The following ENKUR variants were observed in gnomAD, a reference collection of about 807,000 sequenced individuals.
ENKUR encodes enkurin.
A neutral mutation model predicts 27.6 loss-of-function variants in ENKUR; 19 were observed. That is an observed-to-expected ratio of 0.69 (90% CI 0.48 to 1.01). The LOEUF is 1.01. Ranked by LOEUF, ENKUR falls within the 50% of genes least tolerant of loss-of-function variation. The pLI is 0.00. For synonymous variants in ENKUR, 117 were observed against 96.9 expected (o/e 1.21, Z -1.22); for missense variants, 312 against 310.5 (o/e 1.00, Z -0.04).
intron 2 of ENKUR, among the ~76,000 whole-genome samples, chr10:25,053,731 G>A (rs949788825): frequency 5.3e-5 from 8 of 152,080 alleles, no homozygotes; most frequent in South Asian, 2.1e-4. Flanking sequence ...GAAATATTTC[G>A]AATGCTGTAA....
At chr10:25,020,291 A>G (rs1850694053), upstream of ENKUR, among the ~76,000 whole-genome samples, 1 of 104,894 alleles carries the variant, frequency 9.5e-6, no homozygotes, top group Admixed American at 1.0e-4. Flanking sequence ...TATCTACCCC[A>G]AAGTCTTGAA....
rs771237983 is a variant in ENKUR at position 24,984,379 on chromosome 10, G to T, written c.765-3C>A. On this transcript the variant is annotated splice_polypyrimidine_tract_variant and splice_region_variant and intron_variant, in intron 5 of 5. Coordinates refer to ENST00000331161, the MANE Select transcript of ENKUR (RefSeq NM_145010.4). The stretch of plus-strand genomic sequence containing the variant: ...AGTTGTGCTGTTGGTATCATGCGCT[G>T]CAGAAAAAAAAAAAAAAAAGTGAAG... The T allele has an allele frequency of 7.0e-7, 1 of 1,423,582 alleles. No homozygotes were observed. The highest frequency in any genetic ancestry group is 1.8e-5 in the African/African-American group (1 of 55,560). 88.2% of individuals were successfully genotyped at this position (1,423,582 alleles called of 1,614,324 possible). A position where few individuals can be genotyped will look rare whatever the true frequency, so the allele number is the denominator to read the frequency against.
Position 25,061,195 on chromosome 10 carries a change from C to T in ENKUR, c.-47G>A, listed in dbSNP as rs181297004. On this transcript the variant is annotated 5_prime_UTR_variant, in exon 2 of 6. Coordinates refer to the ENKUR transcript ENST00000615958. Reference sequence around the variant, plus strand: ...ATAAGAAGTTCATAGGTGTTGGACACGTGTGGCCAGGCCCTGGGCTTTGAA... The same window carrying T: ...ATAAGAAGTTCATAGGTGTTGGACATGTGTGGCCAGGCCCTGGGCTTTGAA... 5,391 of 1,527,164 alleles carry T rather than the reference C, an allele frequency of 3.5e-3. 16 individuals are homozygous for T. Among genetic ancestry groups the T allele is most frequent in the Middle Eastern group, 7.1e-3 (42 of 5,900 alleles). The allele number at this position is 1,527,164 out of a possible 1,614,324, so 94.6% of individuals were successfully genotyped here.
chr10:24,997,304 C>T (rs904896432), intron 2 of ENKUR, among the ~76,000 whole-genome samples: 1 of 151,996 alleles, frequency 6.6e-6, no homozygotes, highest in African/African-American at 2.4e-5. Flanking sequence ...TGTTGGACTC[C>T]TAGTTCTCCA....
rs757205542 is a variant in ENKUR at position 24,984,799 on chromosome 10, A to G, written c.701T>C (p.Met234Thr). 20 of 1,613,554 alleles carry G rather than the reference A, an allele frequency of 1.2e-5. No homozygotes were observed. The highest frequency in any genetic ancestry group is 1.7e-5 in the Non-Finnish European group (20 of 1,179,886). Reference sequence around the variant, plus strand: ...GCCAATGTCGTGTTCTAGTTGTTTCATTTCTTCTTCCAGCCTCTGCTTGCG... The same window carrying G: ...GCCAATGTCGTGTTCTAGTTGTTTCGTTTCTTCTTCCAGCCTCTGCTTGCG... ...KIRKQRLEEE[M>T]KQLEHDIGII... Residue 234 changes from methionine to threonine, a missense_variant, in exon 5 of 6, where the codon ATG becomes ACG. Met to Thr is a moderately conservative substitution (Grantham distance 81, BLOSUM62 -1). Transcript: ENST00000331161.
chr10:24,995,862 G>GT lies in ENKUR; in HGVS notation c.230dup (p.Asn77LysfsTer3), dbSNP rs749430462. 19 of 1,600,806 alleles carry GT rather than the reference G, an allele frequency of 1.2e-5. No individual in the cohort carries two copies. The highest frequency in any genetic ancestry group is 1.4e-5 in the Non-Finnish European group (17 of 1,176,158). Reference sequence around the variant, plus strand: ...GCTTTTTGGGCACGTTCCGATCAAAGTTTTTTTCTGTTAAATATAACATTT... The same window carrying GT: ...GCTTTTTGGGCACGTTCCGATCAAAGTTTTTTTTCTGTTAAATATAACATTT... On this transcript the variant is annotated frameshift_variant, in exon 3 of 6. Transcript: ENST00000331161. LOFTEE classifies it high-confidence loss of function.
At chr10:25,051,538 C>T (rs1002578549) in intron 2 of ENKUR, among the ~76,000 whole-genome samples, 3 of 152,132 alleles carry the variant, frequency 2.0e-5, no homozygotes, top group African/African-American at 7.2e-5. Context: ...ACTGTGAAGG[C>T]AGGAGCAAGG....
intron 1 of ENKUR, among the ~76,000 whole-genome samples, chr10:25,003,949 T>C (rs1850253527): frequency 6.6e-6 from 1 of 152,238 alleles, no homozygotes; most frequent in South Asian, 2.1e-4. Flanking sequence ...GTTCCTGTGT[T>C]AGTTTGCTAA....
chr10:25,028,148 A>G (rs1478907618), intron 2 of ENKUR, among the ~76,000 whole-genome samples: 1 of 152,210 alleles, frequency 6.6e-6, no homozygotes. Context: ...GAGGCAGGAG[A>G]AACAGGGAAG....
intron 2 of ENKUR, among the ~76,000 whole-genome samples, chr10:25,052,193 A>G (rs954639410): frequency 3.3e-5 from 5 of 152,152 alleles, no homozygotes; most frequent in African/African-American, 9.7e-5. Flanking sequence ...TAAGTGAGAA[A>G]TGATTACCTT....
chr10:24,995,682 C>A lies in ENKUR; in HGVS notation c.411G>T (p.Glu137Asp). 6.2e-7 allele frequency: 1 copy of A among 1,613,974 alleles called. No individual in the cohort carries two copies. Among genetic ancestry groups the A allele is most frequent in the Non-Finnish European group, 8.5e-7 (1 of 1,179,982 alleles). Residue 137 changes from glutamate (E) to aspartate (D), a missense_variant, in exon 3 of 6, where the codon GAG becomes GAT. Transcript: ENST00000331161. ...TGTACTTTGGAACTAGTCCTGAAGG[C>A]TCAAGATCATGCTTGTCTCCAGTTC... Reference protein sequence around the residue: ...DKRTGDKHDLEPSGLVPKYIN... With the variant: ...DKRTGDKHDLDPSGLVPKYIN...
chr10:25,034,092 A>C (rs895784065), intron 2 of ENKUR, among the ~76,000 whole-genome samples: 6 of 151,766 alleles, frequency 4.0e-5, no homozygotes, highest in Non-Finnish European at 7.4e-5. Context: ...ATGAATGTGA[A>C]AATTATGCAA....
intron 1 of ENKUR, among the ~76,000 whole-genome samples, chr10:25,010,949 G>T (rs1850430487): frequency 6.6e-6 from 1 of 151,498 alleles, no homozygotes; most frequent in Non-Finnish European, 1.5e-5. Flanking sequence ...TGGTCCTTTG[G>T]GTATATACCC....
chr10:25,059,880 A>G (rs1851307111), intron 2 of ENKUR, among the ~76,000 whole-genome samples: 1 of 151,774 alleles, frequency 6.6e-6, no homozygotes, highest in African/African-American at 2.4e-5. Flanking sequence ...GAAGGAGGCT[A>G]TGCCAGCTGG....
intron 1 of ENKUR, chr10:25,062,175 T>G (rs1851336447): frequency 6.6e-6 from 1 of 152,216 alleles, no homozygotes; most frequent in Non-Finnish European, 1.5e-5. Context: ...ACTCCTTCCT[T>G]GCTTACCTAT....
intron 2 of ENKUR, among the ~76,000 whole-genome samples, chr10:24,997,122 G>A (rs915956504): frequency 6.6e-6 from 1 of 152,198 alleles, no homozygotes; most frequent in Non-Finnish European, 1.5e-5. Flanking sequence ...GCTGAGGCAG[G>A]AGGATTGCTT....
upstream of ENKUR, among the ~76,000 whole-genome samples, chr10:25,018,429 G>T (rs1436231077): frequency 1.3e-5 from 2 of 152,176 alleles, no homozygotes. Context: ...GCCTTTTTAG[G>T]CCAAGTGGTT....
At chr10:25,061,252 G>A in exon 2 of ENKUR, 1 of 972,980 alleles carries the variant, frequency 1.0e-6, no homozygotes, top group South Asian at 1.4e-5. Context: ...TATGGTTGAT[G>A]CTGCCAGACA....
chr10:25,053,890 G>A (rs12243641), intron 2 of ENKUR, among the ~76,000 whole-genome samples: 17,573 of 152,086 alleles, frequency 0.12, 1,651 homozygotes, highest in East Asian at 0.44. Context: ...GCTTAAGAAA[G>A]TAAACTTCAC....
Sources: gnomAD v4.1 joint callset for allele counts (sites outside exome capture counted in the v4.1 genomes callset) on GRCh38, gnomAD v4.1.1 for gene constraint, MANE v1.5 for transcripts, NCBI Gene and HGNC (gene_info 2026-07-23, HGNC 2026-07-21) for gene names.